RGS7: variants seen among roughly 807,000 people sequenced by gnomAD.
The protein encoded by RGS7 is regulator of G protein signaling 7.
RGS7 carries 27 observed loss-of-function variants against 81.1 expected under a neutral mutation model. The ratio of observed to expected loss-of-function variants is 0.33; its 90% CI spans 0.25 to 0.46. RGS7 has a LOEUF of 0.46. Among genes scored for constraint, RGS7 ranks in the 20% least tolerant of loss-of-function variants. The pLI is 1.00. For synonymous variants in RGS7, 208 were observed against 207.7 expected, an observed-to-expected ratio of 1.00 and a Z score of -0.01; for missense variants, 396 against 607.4, an observed-to-expected ratio of 0.65 and a Z score of 3.66.
chr1:240,788,855 A>G (rs1164925101), intron 18 of RGS7, among the ~76,000 whole-genome samples: 1 of 152,158 alleles, frequency 6.6e-6, no homozygotes, highest in East Asian at 1.9e-4. Context: ...ATAATGAAGT[A>G]GGCAGGGTGT....
chr1:240,991,130 G>T (rs1312220361), intron 3 of RGS7, among the ~76,000 whole-genome samples: 2 of 152,198 alleles, frequency 1.3e-5, no homozygotes, highest in Admixed American at 6.5e-5. Flanking sequence ...AAGGTACAAT[G>T]AAAACAAATT....
At chr1:241,327,092 A>AG (rs1558321072) in intron 2 of RGS7, among the ~76,000 whole-genome samples, 3 of 61,562 alleles carry the variant, frequency 4.9e-5, no homozygotes, top group African/African-American at 6.8e-5. Flanking sequence ...GAAAGAAAGA[A>AG]AGAAAGAAAG....
rs1375686718 is a variant in RGS7, at chr1:240,897,613, T to C, written c.386-27494A>G. On this transcript the variant is annotated intron_variant, in intron 6 of 18. Transcript: ENST00000440928. ...TGATTTGCTTATGTTGAACCAGCCTTGCATCCCAGGGATAAAGCCAACTTG... is the reference window on the plus strand; with the variant it reads ...TGATTTGCTTATGTTGAACCAGCCTCGCATCCCAGGGATAAAGCCAACTTG... Among the ~76,000 whole-genome samples the C allele has an allele frequency of 1.1e-4, 16 of 152,226 alleles. No individual in the cohort carries two copies. In the East Asian group the frequency reaches 3.1e-3, roughly 29 times the overall value.
At chr1:241,082,193 C>A (rs2063173132) in intron 3 of RGS7, among the ~76,000 whole-genome samples, 1 of 152,024 alleles carries the variant, frequency 6.6e-6, no homozygotes, top group Non-Finnish European at 1.5e-5. Flanking sequence ...ATTGTAATTC[C>A]CTTGAGATAT....
intron 9 of RGS7, among the ~76,000 whole-genome samples, chr1:240,862,110 C>T (rs1004620925): frequency 1.2e-4 from 18 of 152,000 alleles, no homozygotes; most frequent in Non-Finnish European, 2.5e-4. Context: ...GTCTGGAGTC[C>T]TTAGTAAGTT....
intron 6 of RGS7, among the ~76,000 whole-genome samples, chr1:240,891,645 T>G (rs1187412402): frequency 6.6e-6 from 1 of 152,240 alleles, no homozygotes; most frequent in African/African-American, 2.4e-5. Context: ...AAGATAGAGA[T>G]ATATAATTCA....
intron 6 of RGS7, among the ~76,000 whole-genome samples, chr1:240,897,904 T>C (rs182947087): frequency 6.6e-6 from 1 of 152,302 alleles, no homozygotes; most frequent in East Asian, 1.9e-4. Context: ...TGTGAATCCG[T>C]CTGGTACCGG....
chr1:241,044,128 G>A (rs2060782322), intron 3 of RGS7, among the ~76,000 whole-genome samples: 2 of 131,734 alleles, frequency 1.5e-5, no homozygotes, highest in South Asian at 4.7e-4. Flanking sequence ...TTTTTTTTTG[G>A]TTTGAGATGG....
intron 2 of RGS7, among the ~76,000 whole-genome samples, chr1:241,262,038 T>A (rs1365935804): frequency 6.6e-6 from 1 of 152,174 alleles, no homozygotes; most frequent in Non-Finnish European, 1.5e-5. Context: ...AAATGAAATT[T>A]TTATCAACAG....
intron 2 of RGS7, among the ~76,000 whole-genome samples, chr1:241,333,575 G>T (rs1036558227): frequency 6.6e-6 from 1 of 152,108 alleles, no homozygotes; most frequent in Non-Finnish European, 1.5e-5. Context: ...GGACTAAAAG[G>T]AAATAATATC....
chr1:241,268,290 C>T (rs1016361279), intron 2 of RGS7, among the ~76,000 whole-genome samples: 1 of 152,220 alleles, frequency 6.6e-6, no homozygotes, highest in Non-Finnish European at 1.5e-5. Flanking sequence ...TCAGCCCTGT[C>T]TGTCTCTTCA....
chr1:240,776,001 C>A lies in RGS7; in HGVS notation c.*219G>T. On this transcript the variant is annotated 3_prime_UTR_variant, in exon 19 of 19. Transcript: ENST00000440928. ...ACAGTTTGGAATGGAGGCATTGAGA[C>A]GGAAGAGTCCATTGGAGATGGAATG... 1.5e-6 allele frequency: 1 copy of A among 675,372 alleles called. No individual in the cohort carries two copies. The highest frequency in any genetic ancestry group is 1.6e-5 in the South Asian group (1 of 61,632). The allele number at this position is 675,372 out of a possible 1,614,324, so 41.8% of individuals were successfully genotyped here. A position where few individuals can be genotyped will look rare whatever the true frequency, so the allele number is the denominator to read the frequency against.
chr1:240,865,191 C>T (rs1006786687), intron 9 of RGS7, among the ~76,000 whole-genome samples: 1 of 152,116 alleles, frequency 6.6e-6, no homozygotes, highest in African/African-American at 2.4e-5. Context: ...CAAGGTGGGC[C>T]TCGTAAATAA....
chr1:240,865,425 T>C (rs1663064109), intron 9 of RGS7, among the ~76,000 whole-genome samples: 1 of 152,198 alleles, frequency 6.6e-6, no homozygotes, highest in Non-Finnish European at 1.5e-5. Flanking sequence ...TACTCTCTGG[T>C]ATTTTCCTAC....
chr1:241,265,834 G>A (rs1195840046), intron 2 of RGS7, among the ~76,000 whole-genome samples: 2 of 108,780 alleles, frequency 1.8e-5, no homozygotes, highest in African/African-American at 3.6e-5. Flanking sequence ...TGCTCTTGTT[G>A]CCCAGGCTGG....
At chr1:241,347,258 G>A (rs2082955029) in intron 2 of RGS7, among the ~76,000 whole-genome samples, 1 of 152,142 alleles carries the variant, frequency 6.6e-6, no homozygotes, top group African/African-American at 2.4e-5. Flanking sequence ...GTCAGGAAGT[G>A]TTTTGCAAAG....
intron 4 of RGS7, among the ~76,000 whole-genome samples, chr1:240,943,892 A>G (rs1483342505): frequency 6.6e-6 from 1 of 152,136 alleles, no homozygotes; most frequent in Admixed American, 6.5e-5. Flanking sequence ...GAGCACGGGG[A>G]CAGCAATCAG....
intron 2 of RGS7, among the ~76,000 whole-genome samples, chr1:241,293,228 C>A (rs1362462267): frequency 6.6e-6 from 1 of 152,158 alleles, no homozygotes; most frequent in East Asian, 1.9e-4. Flanking sequence ...AACAAACACA[C>A]TAAGCTGCTA....
intron 4 of RGS7, among the ~76,000 whole-genome samples, chr1:240,977,392 CAT>C (rs56685954): frequency 0.027 from 4,153 of 152,166 alleles, 177 homozygotes; most frequent in African/African-American, 0.094. Flanking sequence ...TATATACACA[CAT>C]ATGTGTGTGT....
Sources: gnomAD v4.1 joint callset for allele counts (sites outside exome capture counted in the v4.1 genomes callset) on GRCh38, gnomAD v4.1.1 for gene constraint, MANE v1.5 for transcripts, NCBI Gene and HGNC (gene_info 2026-07-23, HGNC 2026-07-21) for gene names.